BMPR1B: variants seen among roughly 807,000 people sequenced by gnomAD.
BMPR1B encodes the protein bone morphogenetic protein receptor type-1B.
In BMPR1B, 12 loss-of-function variants were observed where a neutral mutation model predicts 59.1. That is an observed-to-expected ratio of 0.20 (90% CI 0.13 to 0.33). The LOEUF is 0.33. Among genes scored for constraint, BMPR1B ranks in the 10% least tolerant of loss-of-function variants. BMPR1B has a pLI of 1.00. For missense variants in BMPR1B, 550 were observed against 610.9 expected, an observed-to-expected ratio of 0.90 and a Z score of 1.05; for synonymous variants, 237 against 207.3, an observed-to-expected ratio of 1.14 and a Z score of -1.23.
intron 4 of BMPR1B, among the ~76,000 whole-genome samples, chr4:95,112,509 A>T (rs566616951): frequency 6.6e-6 from 1 of 152,100 alleles, no homozygotes; most frequent in African/African-American, 2.4e-5. Flanking sequence ...TTTCCAGTTG[A>T]TGTTCCTTGC....
At chr4:95,051,633 G>C (rs1726508760) in intron 3 of BMPR1B, 15 of 1,454,416 alleles carry the variant, frequency 1.0e-5, no homozygotes, top group Non-Finnish European at 1.3e-5. Flanking sequence ...GCGTCTCAGT[G>C]AAAGACGGAA....
rs1368665335 is a variant in BMPR1B, at chr4:95,043,535, CATATAATTATTATATT to C, written c.-18+47402_-18+47417del. Among the ~76,000 whole-genome samples, 4 of 152,154 alleles carry C rather than the reference CATATAATTATTATATT, an allele frequency of 2.6e-5. No individual in the cohort carries two copies. The East Asian group carries it at 7.7e-4, about 29-fold the overall frequency. On this transcript the variant is annotated intron_variant, in intron 3 of 12. Transcript: ENST00000515059. ...CTTCTTATTTTGTGCACAGGCCATG[CATATAATTATTATATT>C]CATAACATGACATTAGCTTTTAAAA...
At chr4:95,073,104 G>A (rs922588479) in intron 3 of BMPR1B, among the ~76,000 whole-genome samples, 4 of 152,072 alleles carry the variant, frequency 2.6e-5, no homozygotes, top group Admixed American at 1.3e-4. Flanking sequence ...TAAGAGATAA[G>A]GGGGGGAAAT....
intron 1 of BMPR1B, among the ~76,000 whole-genome samples, chr4:94,798,068 T>C (rs1723263702): frequency 6.6e-6 from 1 of 152,216 alleles, no homozygotes; most frequent in Non-Finnish European, 1.5e-5. Flanking sequence ...GTGATTATTA[T>C]TTTGTTTGCC....
At chr4:95,087,864 A>C (rs1560643508) in intron 3 of BMPR1B, among the ~76,000 whole-genome samples, 1 of 152,226 alleles carries the variant, frequency 6.6e-6, no homozygotes, top group Non-Finnish European at 1.5e-5. Flanking sequence ...TTTCCTTGAT[A>C]GCATACATTG....
At chr4:95,091,583 C>T (rs1262238527) in intron 3 of BMPR1B, 1 of 985,084 alleles carries the variant, frequency 1.0e-6, no homozygotes, top group Non-Finnish European at 1.2e-6. Context: ...TGTCTCTCAT[C>T]CTAGGGAGCC....
chr4:95,082,157 C>T (rs1729204945), intron 3 of BMPR1B, among the ~76,000 whole-genome samples: 1 of 131,894 alleles, frequency 7.6e-6, no homozygotes, highest in African/African-American at 2.9e-5. Context: ...CAACAGTCCC[C>T]AGAGTGTGAT....
At chr4:94,869,144 T>A (rs573299951) in intron 1 of BMPR1B, among the ~76,000 whole-genome samples, 10 of 142,848 alleles carry the variant, frequency 7.0e-5, no homozygotes, top group African/African-American at 2.4e-4. Context: ...ACACACACAC[T>A]TTGCTTTAAA....
intron 3 of BMPR1B, among the ~76,000 whole-genome samples, chr4:95,036,112 T>C (rs1350352008): frequency 6.6e-6 from 1 of 152,158 alleles, no homozygotes; most frequent in Non-Finnish European, 1.5e-5. Flanking sequence ...GTAGTGCTAC[T>C]AATTTGTGTT....
rs78834283 is a variant in BMPR1B at position 94,771,928 on chromosome 4, C to A, written c.-183+13860C>A. 7.5e-3 allele frequency among the ~76,000 whole-genome samples: 1,142 copies of A among 152,276 alleles called. 15 individuals carry two copies. The highest frequency in any genetic ancestry group is 0.026 in the African/African-American group (1,095 of 41,548). ...ATTTTGAAGGAAGCACTGTGACATA[C>A]ACTCATTGTATGGCTTGATGGAGGA... is the stretch of plus-strand genomic sequence containing the variant. On this transcript the variant is annotated intron_variant, in intron 1 of 12. Coordinates refer to ENST00000515059, the MANE Select transcript of BMPR1B (RefSeq NM_001203.3).
chr4:94,798,598 A>G (rs1001847975), intron 1 of BMPR1B, among the ~76,000 whole-genome samples: 1 of 152,156 alleles, frequency 6.6e-6, no homozygotes, highest in South Asian at 2.1e-4. Flanking sequence ...ATCGTCCTTC[A>G]TATGTGTTTT....
intron 2 of BMPR1B, among the ~76,000 whole-genome samples, chr4:94,916,751 T>C (rs1728498379): frequency 6.6e-6 from 1 of 152,204 alleles, no homozygotes. Context: ...TAGCAACCAC[T>C]TGGGAGAGAA....
At chr4:95,094,482 A>G (rs1730222482) in intron 3 of BMPR1B, among the ~76,000 whole-genome samples, 1 of 152,070 alleles carries the variant, frequency 6.6e-6, no homozygotes, top group South Asian at 2.1e-4. Context: ...GAGTAGGGAA[A>G]AGGAAGAGAA....
intron 2 of BMPR1B, among the ~76,000 whole-genome samples, chr4:94,961,391 A>G (rs1000788947): frequency 2.6e-5 from 4 of 152,132 alleles, no homozygotes; most frequent in African/African-American, 9.7e-5. Flanking sequence ...CTTTATAGAA[A>G]ATGTTTGCTG....
rs1187393122 is a variant in BMPR1B at position 95,156,861 on chromosome 4, G to A, written c.*2188G>A. On this transcript the variant is annotated 3_prime_UTR_variant, in exon 13 of 13. Transcript: ENST00000515059. ...TGACTAATCATCTGAGCCTTGAAGA[G>A]AAACTTCAGTGCCTCTAAACAGATC... 1 of 152,188 alleles carries A rather than the reference G, an allele frequency of 6.6e-6. No individual in the cohort carries two copies. The highest frequency in any genetic ancestry group is 2.4e-5 in the African/African-American group (1 of 41,458). The allele number at this position is 152,188 out of a possible 1,614,324, so 9.4% of individuals were successfully genotyped here. A position where few individuals can be genotyped will look rare whatever the true frequency, so the allele number is the denominator to read the frequency against.
At chr4:94,845,887 A>G (rs1226542285) in intron 1 of BMPR1B, among the ~76,000 whole-genome samples, 9 of 152,212 alleles carry the variant, frequency 5.9e-5, no homozygotes, top group African/African-American at 9.6e-5. Context: ...GAATCAGCCT[A>G]TATAGGGAAG....
chr4:94,880,287 AAAAC>A (rs1264888334), intron 2 of BMPR1B, among the ~76,000 whole-genome samples: 1 of 152,130 alleles, frequency 6.6e-6, no homozygotes, highest in Non-Finnish European at 1.5e-5. Flanking sequence ...ATATGCCCTA[AAAAC>A]AATGCATTAA....
intron 3 of BMPR1B, chr4:95,091,675 T>TC (rs889626743): frequency 9.2e-6 from 9 of 981,168 alleles, no homozygotes; most frequent in Non-Finnish European, 9.7e-6. Flanking sequence ...GTTTTTTTTT[T>TC]CCCTCCAAAA....
At chr4:95,054,013 G>A (rs1420826796) in intron 3 of BMPR1B, among the ~76,000 whole-genome samples, 1 of 152,106 alleles carries the variant, frequency 6.6e-6, no homozygotes, top group East Asian at 1.9e-4. Flanking sequence ...GATAAATGAT[G>A]TGTTCATGAC....
Sources: gnomAD v4.1 joint callset for allele counts (sites outside exome capture counted in the v4.1 genomes callset) on GRCh38, gnomAD v4.1.1 for gene constraint, MANE v1.5 for transcripts, NCBI Gene and HGNC (gene_info 2026-07-23, HGNC 2026-07-21) for gene names.